MYRFL: variants seen among roughly 807,000 people sequenced by gnomAD.
The protein encoded by MYRFL is myelin regulatory factor like.
Under a neutral mutation model 109.4 loss-of-function variants are expected in MYRFL, and 88 were observed. The observed-to-expected ratio is 0.80, with a 90% CI of 0.68 to 0.96. MYRFL has a LOEUF of 0.96. Ranked by LOEUF, MYRFL falls within the 40% of genes least tolerant of loss-of-function variation. The pLI, the probability that MYRFL is intolerant of heterozygous loss-of-function variation, is 0.00. For synonymous variants in MYRFL, 324 were observed against 320.9 expected (o/e 1.01, Z -0.10); for missense variants, 957 against 954.9 (o/e 1.00, Z -0.03).
At chr12:69,910,689 C>A in intron 12 of MYRFL, 132 bp from the exon 13 acceptor site, 1 of 554,016 alleles carries the variant, frequency 1.8e-6, no homozygotes, top group Non-Finnish European at 3.1e-6. Flanking sequence ...ACTTTTAATC[C>A]TATAGTGGTT....
At chr12:69,910,355 G>A (rs1954519659) in intron 12 of MYRFL, among the ~76,000 whole-genome samples, 1 of 152,136 alleles carries the variant, frequency 6.6e-6, no homozygotes, top group African/African-American at 2.4e-5. Context: ...TGAGGGTTCA[G>A]GGACAGATGA....
rs1885985899 is a variant in MYRFL, at chr12:69,880,287, G to GA, written c.552dup (p.Pro185ThrfsTer5). ...TGCCGAGTGTGGGCCTGCCACTGCA[G>GA]ACCGAGTGAGCAAACCTGGGTGGGA... is the stretch of plus-strand genomic sequence containing the variant. On this transcript the variant is annotated frameshift_variant, in exon 5 of 25. Transcript: ENST00000552032. LOFTEE classifies it high-confidence loss of function. 1.4e-6 allele frequency: 1 copy of GA among 702,428 alleles called. No individual in the cohort carries two copies. Among genetic ancestry groups the GA allele is most frequent in the South Asian group, 1.5e-5 (1 of 67,488 alleles). 43.5% of individuals were successfully genotyped at this position (702,428 alleles called of 1,614,324 possible). A position where few individuals can be genotyped will look rare whatever the true frequency, so the allele number is the denominator to read the frequency against.
At chr12:69,882,530 T>A (rs1886190143) in intron 5 of MYRFL, among the ~76,000 whole-genome samples, 1 of 152,188 alleles carries the variant, frequency 6.6e-6, no homozygotes, top group African/African-American at 2.4e-5. Flanking sequence ...CAATTTTTGA[T>A]CAGAGATGGC....
At position 69,873,067 on chromosome 12, in the gene MYRFL, C is replaced by A. The variant is rs76934311; in HGVS notation, c.138-5961C>A. On this transcript the variant is annotated intron_variant, in intron 2 of 24. Coordinates refer to ENST00000552032, the MANE Select transcript of MYRFL (RefSeq NM_182530.3). ...GCCTGAAACTGAGGGTAGTACCAAA[C>A]CCTATATATGCTATGCACAAATTTC... is the stretch of plus-strand genomic sequence containing the variant. Among the ~76,000 whole-genome samples, 868 of 152,250 alleles carry A rather than the reference C, an allele frequency of 5.7e-3. 7 individuals are homozygous for A. Among genetic ancestry groups the A allele is most frequent in the African/African-American group, 0.02 (828 of 41,550 alleles).
At chr12:69,933,080 A>G (rs1442758054) in intron 16 of MYRFL, among the ~76,000 whole-genome samples, 1 of 152,242 alleles carries the variant, frequency 6.6e-6, no homozygotes, top group Non-Finnish European at 1.5e-5. Flanking sequence ...CCAAAGGGAC[A>G]CCAAGATATA....
intron 2 of MYRFL, among the ~76,000 whole-genome samples, chr12:69,862,181 A>G (rs1396343148): frequency 6.6e-5 from 10 of 151,000 alleles, no homozygotes; most frequent in East Asian, 3.9e-4. Context: ...GTCAGGTAGC[A>G]TGATGCCTCC....
chr12:69,831,647 A>G (rs990093238), intron 1 of MYRFL, among the ~76,000 whole-genome samples: 1 of 152,132 alleles, frequency 6.6e-6, no homozygotes, highest in Non-Finnish European at 1.5e-5. Flanking sequence ...GCACAGAGAG[A>G]CAGTAATTTT....
intron 7 of MYRFL, 112 bp from the exon 8 acceptor site, chr12:69,893,652 G>A (rs1887047228): frequency 2.3e-6 from 1 of 426,088 alleles, no homozygotes; most frequent in African/African-American, 2.1e-5. Flanking sequence ...TGTTCCTCCT[G>A]CCCAGTGCCT....
chr12:69,908,096 C>T (rs1014187630), intron 11 of MYRFL, among the ~76,000 whole-genome samples: 3 of 152,136 alleles, frequency 2.0e-5, no homozygotes, highest in Non-Finnish European at 4.4e-5. Context: ...GTCTTAGTCT[C>T]ATCCTTCCCC....
In MYRFL at chr12:69,936,433, C is replaced by G; in HGVS notation, c.2045-20C>G. On this transcript the variant is annotated intron_variant, in intron 18 of 24. Coordinates refer to ENST00000552032, the MANE Select transcript of MYRFL (RefSeq NM_182530.3). ...GGTTAACCTTCTTGCTTCCCCTCCC[C>G]CCTGCCCAATGCCTTGCAGCACCTA... The G allele has an allele frequency of 6.5e-7, 1 of 1,532,464 alleles. No individual in the cohort carries two copies. The highest frequency in any genetic ancestry group is 2.0e-5 in the Admixed American group (1 of 50,780). The allele number at this position is 1,532,464 out of a possible 1,614,324, so 94.9% of individuals were successfully genotyped here.
At chr12:69,898,351 C>T (rs368101305) in intron 10 of MYRFL, among the ~76,000 whole-genome samples, 2 of 152,208 alleles carry the variant, frequency 1.3e-5, no homozygotes, top group African/African-American at 2.4e-5. Flanking sequence ...AGGTAAAACA[C>T]GTATGTGTTC....
chr12:69,876,557 C>G (rs74333390), intron 2 of MYRFL, among the ~76,000 whole-genome samples: 7,583 of 151,998 alleles, frequency 0.05, 184 homozygotes, highest in South Asian at 0.075. Flanking sequence ...AATGTTAAAG[C>G]CTTTCTCAAA....
In MYRFL at chr12:69,862,997, A is replaced by G. The variant is rs1383800559; in HGVS notation, c.137+7627A>G. 7.2e-5 allele frequency among the ~76,000 whole-genome samples: 11 copies of G among 151,958 alleles called. No individual in the cohort carries two copies. In the South Asian group the frequency reaches 2.1e-3, roughly 29 times the overall value. On this transcript the variant is annotated intron_variant, in intron 2 of 24. Coordinates refer to ENST00000552032, the MANE Select transcript of MYRFL (RefSeq NM_182530.3). ...TTTGTCAAAGGCCTTTTCTGCATCT[A>G]TTGAGATAATCATGTGGTTTTTGTC...
Position 69,955,388 on chromosome 12 carries a change from C to A in MYRFL, c.2401C>A (p.Pro801Thr). The change falls in exon 22 of 25, where the codon CCT becomes ACT. Residue 801 changes from proline (P) to threonine (T), a missense_variant. Pro to Thr is a conservative substitution (Grantham distance 38). Coordinates refer to ENST00000552032, the MANE Select transcript of MYRFL (RefSeq NM_182530.3). ...CGSGNYNYNI[P>T]VNKHTPTNVK... ...ATCTGGAAATTATAATTACAATATT[C>A]CTGTTAATAAACACACACCCACCAA... The A allele has an allele frequency of 1.5e-6, 1 of 660,152 alleles. No individual in the cohort carries two copies. The highest frequency in any genetic ancestry group is 1.7e-5 in the South Asian group (1 of 58,326). 40.9% of individuals were successfully genotyped at this position (660,152 alleles called of 1,614,324 possible).
At chr12:69,851,978 A>T (rs914948333) in intron 1 of MYRFL, among the ~76,000 whole-genome samples, 2 of 152,226 alleles carry the variant, frequency 1.3e-5, no homozygotes, top group African/African-American at 4.8e-5. Flanking sequence ...AGAAATATTT[A>T]GACTATCGCT....
Position 69,879,194 on chromosome 12 carries a change from G to C in MYRFL, c.206-1G>C. 2.8e-6 allele frequency: 2 copies of C among 702,756 alleles called. No individual in the cohort carries two copies. The highest frequency in any genetic ancestry group is 1.5e-5 in the South Asian group (1 of 67,586). 43.5% of individuals were successfully genotyped at this position (702,756 alleles called of 1,614,324 possible). On this transcript the variant is annotated splice_acceptor_variant, in intron 3 of 24. Coordinates refer to ENST00000552032, the MANE Select transcript of MYRFL (RefSeq NM_182530.3). LOFTEE classifies it high-confidence loss of function. The stretch of plus-strand genomic sequence containing the variant: ...CACTTCCTGCTTGTGTCTCTCCCCA[G>C]GTGCATGCTACCCAACCCTGAGGCC...
At chr12:69,851,378 G>GGC (rs1883866116) in intron 1 of MYRFL, among the ~76,000 whole-genome samples, 1 of 152,052 alleles carries the variant, frequency 6.6e-6, no homozygotes, top group African/African-American at 2.4e-5. Flanking sequence ...TGAATACCGA[G>GGC]GCTTAAACCA....
intron 5 of MYRFL, among the ~76,000 whole-genome samples, chr12:69,883,734 G>T (rs182070935): frequency 9.5e-5 from 14 of 147,866 alleles, no homozygotes; most frequent in Non-Finnish European, 2.1e-4. Context: ...AAAATTAGCC[G>T]ATGTGGTGGC....
At chr12:69,855,475 G>T (rs1565973729) in intron 2 of MYRFL, 105 bp downstream of exon 2, 3 of 605,642 alleles carry the variant, frequency 5.0e-6, no homozygotes, top group Non-Finnish European at 9.0e-6. Context: ...AAATAACTTG[G>T]GTAGAGTTGA....
Sources: allele counts gnomAD v4.1 joint callset (sites outside exome capture counted in the v4.1 genomes callset), GRCh38; gene constraint gnomAD v4.1.1; transcripts MANE v1.5; gene names NCBI Gene and HGNC (gene_info 2026-07-23, HGNC 2026-07-21).